NRCAM: variants seen among roughly 807,000 people sequenced by gnomAD.
NRCAM encodes the protein neuronal cell adhesion molecule, also known as NgCAM-related cell adhesion molecule.
NRCAM carries 83 observed loss-of-function variants against 156.5 expected under a neutral mutation model. The observed-to-expected ratio is 0.53, with a 90% CI of 0.44 to 0.64. The LOEUF is 0.64. Ranked by LOEUF, NRCAM falls within the 30% of genes least tolerant of loss-of-function variation. The pLI is 0.00. For missense variants in NRCAM, 1,417 were observed against 1,597.3 expected, an observed-to-expected ratio of 0.89 and a Z score of 1.92; for synonymous variants, 538 against 563.9, an observed-to-expected ratio of 0.95 and a Z score of 0.65.
At chr7:108,417,071 GAGTA>G (rs1802455159) in intron 1 of NRCAM, among the ~76,000 whole-genome samples, 1 of 152,168 alleles carries the variant, frequency 6.6e-6, no homozygotes, top group African/African-American at 2.4e-5. Flanking sequence ...TTCCCTTAAA[GAGTA>G]AGTGATTGAA....
chr7:108,437,463 T>C (rs1833626618), intron 1 of NRCAM, among the ~76,000 whole-genome samples: 1 of 152,176 alleles, frequency 6.6e-6, no homozygotes, highest in Non-Finnish European at 1.5e-5. Flanking sequence ...AAAGGATAAA[T>C]GCTTGAGGGG....
chr7:108,444,152 G>A (rs1183943735), intron 1 of NRCAM, among the ~76,000 whole-genome samples: 1 of 152,106 alleles, frequency 6.6e-6, no homozygotes, highest in Non-Finnish European at 1.5e-5. Flanking sequence ...TATTTACATA[G>A]CATTTACATT....
chr7:108,167,451 G>T (rs2055255677), intron 29 of NRCAM, among the ~76,000 whole-genome samples: 4 of 139,526 alleles, frequency 2.9e-5, no homozygotes, highest in South Asian at 2.2e-4. Context: ...ACTATGGGAA[G>T]AATTGTTTTT....
intron 2 of NRCAM, among the ~76,000 whole-genome samples, chr7:108,350,074 T>C (rs1256564555): frequency 6.6e-6 from 1 of 152,162 alleles, no homozygotes; most frequent in Non-Finnish European, 1.5e-5. Flanking sequence ...ACACCAGCTA[T>C]TCCTTCCACT....
intron 20 of NRCAM, among the ~76,000 whole-genome samples, chr7:108,188,270 T>C (rs2068509792): frequency 6.6e-6 from 1 of 152,110 alleles, no homozygotes; most frequent in Non-Finnish European, 1.5e-5. Context: ...CCAAGGAGCA[T>C]GGCCTCACGT....
chr7:108,361,273 CA>C (rs1222958567), intron 2 of NRCAM, among the ~76,000 whole-genome samples: 2 of 152,136 alleles, frequency 1.3e-5, no homozygotes, highest in Non-Finnish European at 2.9e-5. Context: ...CAGTTCCTTA[CA>C]AAGTTAAACA....
intron 2 of NRCAM, among the ~76,000 whole-genome samples, chr7:108,368,830 A>G (rs117417778): frequency 0.032 from 4,925 of 152,262 alleles, 115 homozygotes; most frequent in Middle Eastern, 0.065. Context: ...TGGTGGCTTT[A>G]CTTAGGGATA....
chr7:108,390,899 A>G (rs1290856137), intron 2 of NRCAM, among the ~76,000 whole-genome samples: 1 of 145,196 alleles, frequency 6.9e-6, no homozygotes, highest in Non-Finnish European at 1.5e-5. Context: ...GAGTTTCTTA[A>G]TCCTGAGTTC....
At chr7:108,174,158 C>T (rs920750722) in intron 28 of NRCAM, among the ~76,000 whole-genome samples, 10 of 152,204 alleles carry the variant, frequency 6.6e-5, no homozygotes, top group Non-Finnish European at 1.3e-4. Context: ...GTTTACATCG[C>T]TCTGTGATAT....
At chr7:108,169,052 TAAGA>T (rs757762988) in intron 28 of NRCAM, among the ~76,000 whole-genome samples, 20 of 152,150 alleles carry the variant, frequency 1.3e-4, no homozygotes, top group Admixed American at 5.2e-4. Flanking sequence ...TATCAGAAGT[TAAGA>T]AAGAATAAAT....
At chr7:108,429,518 T>C (rs1822107621) in intron 1 of NRCAM, among the ~76,000 whole-genome samples, 1 of 152,122 alleles carries the variant, frequency 6.6e-6, no homozygotes, top group Admixed American at 6.5e-5. Flanking sequence ...AAATACACAC[T>C]CCCCACACAA....
intron 3 of NRCAM, among the ~76,000 whole-genome samples, chr7:108,253,642 A>G (rs1177919466): frequency 6.6e-6 from 1 of 152,226 alleles, no homozygotes; most frequent in Admixed American, 6.5e-5. Flanking sequence ...TGAGTTAAAG[A>G]ACTTTTCTTT....
rs538194869 is a variant in NRCAM, at chr7:108,405,061, G to A, written c.-331-5468C>T. Among the ~76,000 whole-genome samples, 106 of 152,292 alleles carry A rather than the reference G, an allele frequency of 7.0e-4. 1 individual carries two copies. The highest frequency in any genetic ancestry group is 6.8e-3 in the Middle Eastern group (2 of 294). On this transcript the variant is annotated intron_variant, in intron 1 of 32. Coordinates refer to ENST00000379028, the MANE Select transcript of NRCAM (RefSeq NM_001037132.4). ...TGACTTAGCAGCACAGAGAGCTAGC[G>A]GCATATGAATACCATCTGCTGCTTT...
intron 3 of NRCAM, among the ~76,000 whole-genome samples, chr7:108,271,838 C>T (rs937514333): frequency 6.6e-6 from 1 of 152,206 alleles, no homozygotes; most frequent in Non-Finnish European, 1.5e-5. Flanking sequence ...ACAACTCACA[C>T]TCTTCCTGGC....
chr7:108,300,503 G>C (rs1273762105), intron 3 of NRCAM, among the ~76,000 whole-genome samples: 1 of 152,098 alleles, frequency 6.6e-6, no homozygotes, highest in African/African-American at 2.4e-5. Context: ...TGGGTAAGTT[G>C]AGATCCTTCT....
chr7:108,196,680 C>T (rs1457790410), intron 14 of NRCAM, among the ~76,000 whole-genome samples: 2 of 152,080 alleles, frequency 1.3e-5, no homozygotes, highest in African/African-American at 4.8e-5. Context: ...AAGAGGAGAT[C>T]TAAGTGTTGG....
At chr7:108,368,945 T>C (rs1485578221) in intron 2 of NRCAM, among the ~76,000 whole-genome samples, 1 of 152,166 alleles carries the variant, frequency 6.6e-6, no homozygotes, top group Non-Finnish European at 1.5e-5. Context: ...ATTAAGATAC[T>C]AAAATAGGGG....
intron 8 of NRCAM, 85 bp downstream of exon 8, chr7:108,230,946 T>C (rs771513698): frequency 9.4e-7 from 1 of 1,061,536 alleles, no homozygotes; most frequent in Non-Finnish European, 1.4e-6. Context: ...AAACATTTTA[T>C]GAATCATAAG....
chr7:108,453,200 T>C (rs1169603675), intron 1 of NRCAM, among the ~76,000 whole-genome samples: 1 of 152,234 alleles, frequency 6.6e-6, no homozygotes, highest in Non-Finnish European at 1.5e-5. Flanking sequence ...AAAAGCTTCC[T>C]GTAGAGTTCC....
Sources: gnomAD v4.1 joint callset for allele counts (sites outside exome capture counted in the v4.1 genomes callset) on GRCh38, gnomAD v4.1.1 for gene constraint, MANE v1.5 for transcripts, NCBI Gene and HGNC (gene_info 2026-07-23, HGNC 2026-07-21) for gene names.